The following TDRP variants were observed in gnomAD, a reference collection of about 807,000 sequenced individuals.
TDRP encodes testis development related protein, also known as testis development-related protein.
A neutral mutation model predicts 10.5 loss-of-function variants in TDRP; 12 were observed. The observed-to-expected ratio is 1.15, with a 90% CI of 0.73 to 1.86. TDRP has a LOEUF of 1.86. Among genes scored for constraint, TDRP ranks in the 40% most tolerant of loss-of-function variants. TDRP has a pLI of 0.00. For synonymous variants in TDRP, 139 were observed against 95.4 expected (o/e 1.46, Z -2.67); for missense variants, 353 against 229.2 (o/e 1.54, Z -3.49).
intron 1 of TDRP, among the ~76,000 whole-genome samples, chr8:543,363 A>T (rs552829826): frequency 6.6e-6 from 1 of 152,286 alleles, no homozygotes; most frequent in African/African-American, 2.4e-5. Flanking sequence ...AGGATTCATT[A>T]GGAAAAATGG....
At chr8:503,619 A>AAC (rs1447266838) in intron 1 of TDRP, among the ~76,000 whole-genome samples, 1 of 146,032 alleles carries the variant, frequency 6.8e-6, no homozygotes, top group Admixed American at 6.7e-5. Context: ...GCACGCACCC[A>AAC]ACACGGAATC....
intron 1 of TDRP, among the ~76,000 whole-genome samples, chr8:505,822 A>G (rs1801447019): frequency 6.6e-6 from 1 of 152,232 alleles, no homozygotes; most frequent in African/African-American, 2.4e-5. Flanking sequence ...GTCCAGAGGC[A>G]GCCACACAAA....
intron 1 of TDRP, among the ~76,000 whole-genome samples, chr8:518,276 G>A (rs956620988): frequency 1.3e-5 from 2 of 152,154 alleles, no homozygotes; most frequent in African/African-American, 4.8e-5. Flanking sequence ...CTGTGAACTT[G>A]AAACTGCTAT....
intron 1 of TDRP, among the ~76,000 whole-genome samples, chr8:508,183 G>C (rs746808221): frequency 1.3e-5 from 2 of 152,100 alleles, no homozygotes; most frequent in Non-Finnish European, 2.9e-5. Context: ...TTATCAAAAA[G>C]AACCAACTGG....
intron 1 of TDRP, among the ~76,000 whole-genome samples, chr8:508,926 T>G (rs931308011): frequency 8.5e-5 from 13 of 152,244 alleles, no homozygotes. Context: ...TAAATGTTCC[T>G]GCTTCAAATG....
chr8:517,174 CTT>C (rs1269049089), intron 1 of TDRP, among the ~76,000 whole-genome samples: 3 of 152,278 alleles, frequency 2.0e-5, no homozygotes, highest in South Asian at 2.1e-4. Context: ...AGAAGGGACT[CTT>C]TGCATCAGTG....
At chr8:500,725 T>A (rs1801269239) in intron 1 of TDRP, among the ~76,000 whole-genome samples, 1 of 152,156 alleles carries the variant, frequency 6.6e-6, no homozygotes, top group Non-Finnish European at 1.5e-5. Context: ...GGCAGGTGTA[T>A]CGGACTCCGG....
At chr8:538,358 C>T (rs1392860387) in intron 1 of TDRP, among the ~76,000 whole-genome samples, 1 of 152,174 alleles carries the variant, frequency 6.6e-6, no homozygotes, top group African/African-American at 2.4e-5. Context: ...AAGCGAGGTC[C>T]TGACTAAAGC....
intron 1 of TDRP, among the ~76,000 whole-genome samples, chr8:500,291 T>C (rs1232166384): frequency 2.0e-5 from 3 of 152,234 alleles, no homozygotes; most frequent in Non-Finnish European, 4.4e-5. Flanking sequence ...ATTATTCCTG[T>C]TAGGTTAAAC....
intron 1 of TDRP, among the ~76,000 whole-genome samples, chr8:521,246 C>CAAAAATAAA (rs1801894779): frequency 1.2e-5 from 1 of 84,592 alleles, no homozygotes; most frequent in Non-Finnish European, 2.2e-5. Context: ...ACTAAAAATC[C>CAAAAATAAA]AAAAAAAAAA....
At chr8:545,584 G>GGGGCACAGTCCGCGGAGC (rs1802632541), upstream of TDRP, 1 of 152,252 alleles carries the variant, frequency 6.6e-6, no homozygotes, top group African/African-American at 2.4e-5. Flanking sequence ...GAAGGTGGAG[G>GGGGCACAGTCCGCGGAGC]GGGCACAGTC....
intron 1 of TDRP, among the ~76,000 whole-genome samples, chr8:527,203 T>C (rs1200998292): frequency 6.6e-6 from 1 of 152,006 alleles, no homozygotes; most frequent in Non-Finnish European, 1.5e-5. Flanking sequence ...AAGAAGTAAC[T>C]GAACCAAAGA....
chr8:536,792 A>G (rs530613929), intron 1 of TDRP, among the ~76,000 whole-genome samples: 2 of 152,310 alleles, frequency 1.3e-5, no homozygotes, highest in East Asian at 3.9e-4. Flanking sequence ...GAGCTCCCCA[A>G]GCATCAGTTA....
At chr8:527,991 A>G (rs561961432) in intron 1 of TDRP, among the ~76,000 whole-genome samples, 2 of 152,326 alleles carry the variant, frequency 1.3e-5, no homozygotes, top group South Asian at 2.1e-4. Context: ...ATGGGAAAAA[A>G]TATCTGCAAA....
intron 1 of TDRP, among the ~76,000 whole-genome samples, chr8:495,538 T>C (rs373007064): frequency 1.3e-5 from 2 of 152,336 alleles, no homozygotes; most frequent in South Asian, 4.1e-4. Context: ...CTAAGAAGAA[T>C]GGAGAAAACC....
At chr8:536,857 T>G (rs1218662151) in intron 1 of TDRP, among the ~76,000 whole-genome samples, 1 of 152,164 alleles carries the variant, frequency 6.6e-6, no homozygotes, top group Non-Finnish European at 1.5e-5. Flanking sequence ...CCTCCTTCCC[T>G]TCTATAATAT....
intron 1 of TDRP, among the ~76,000 whole-genome samples, chr8:508,056 C>T (rs1024502155): frequency 1.3e-5 from 2 of 152,070 alleles, no homozygotes; most frequent in Admixed American, 1.3e-4. Flanking sequence ...CAGAAGAAGA[C>T]TTCAAAGAAC....
intron 1 of TDRP, among the ~76,000 whole-genome samples, chr8:524,643 T>C (rs974535941): frequency 2.0e-5 from 3 of 152,126 alleles, no homozygotes; most frequent in African/African-American, 4.8e-5. Flanking sequence ...CTGAAAAATT[T>C]ACAAGCTAAA....
intron 1 of TDRP, among the ~76,000 whole-genome samples, chr8:539,712 C>A (rs925913728): frequency 4.6e-5 from 7 of 152,204 alleles, no homozygotes; most frequent in African/African-American, 1.7e-4. Flanking sequence ...CGCCCTCCAG[C>A]AGAACATCAG....
Sources: allele counts gnomAD v4.1 joint callset (sites outside exome capture counted in the v4.1 genomes callset), GRCh38; gene constraint gnomAD v4.1.1; transcripts MANE v1.5; gene names NCBI Gene and HGNC (gene_info 2026-07-23, HGNC 2026-07-21).